KPNA6: variants seen among roughly 807,000 people sequenced by gnomAD.
KPNA6 encodes the protein karyopherin subunit alpha 6, also known as importin subunit alpha-7.
In KPNA6, 9 loss-of-function variants were observed where a neutral mutation model predicts 72.0. The observed-to-expected ratio is 0.13, with a 90% CI of 0.08 to 0.22. The LOEUF is 0.22. Among genes scored for constraint, KPNA6 ranks in the 10% least tolerant of loss-of-function variants. The pLI is 1.00. For missense variants in KPNA6, 374 were observed against 655.7 expected, an observed-to-expected ratio of 0.57 and a Z score of 4.69; for synonymous variants, 219 against 242.1, an observed-to-expected ratio of 0.90 and a Z score of 0.89.
rs1326668715 is a variant in KPNA6 at position 32,173,288 on chromosome 1, G to C, written c.*2394G>C. On this transcript the variant is annotated 3_prime_UTR_variant, in exon 14 of 14. Coordinates refer to ENST00000373625, the MANE Select transcript of KPNA6 (RefSeq NM_012316.5). Reference sequence around the variant, plus strand: ...CATCTCAAGTAAGAGTTAAGTCCCTGATACAGGGACCAGTTTCTTAGTGTA... The same window carrying C: ...CATCTCAAGTAAGAGTTAAGTCCCTCATACAGGGACCAGTTTCTTAGTGTA... 2 of 392,040 alleles carry C rather than the reference G, an allele frequency of 5.1e-6. No individual in the cohort carries two copies. Among genetic ancestry groups the C allele is most frequent in the East Asian group, 7.2e-5 (2 of 27,726 alleles). The allele number at this position is 392,040 out of a possible 1,614,324, so 24.3% of individuals were successfully genotyped here.
chr1:32,150,944 C>G (rs540577662), intron 1 of KPNA6, among the ~76,000 whole-genome samples: 40 of 151,828 alleles, frequency 2.6e-4, no homozygotes, highest in Admixed American at 4.6e-4. Context: ...TTTTTAGAGA[C>G]AGGGTCTCAC....
intron 1 of KPNA6, among the ~76,000 whole-genome samples, chr1:32,148,889 TG>T: frequency 6.8e-6 from 1 of 146,844 alleles, no homozygotes; most frequent in East Asian, 2.1e-4. Context: ...GATGAGATCT[TG>T]CCTATGTTGC....
rs1642445550 is a variant in KPNA6, at chr1:32,171,885, A to G, written c.*991A>G. 6.6e-6 allele frequency: 1 copy of G among 152,098 alleles called. No individual in the cohort carries two copies. Among genetic ancestry groups the G allele is most frequent in the African/African-American group, 2.4e-5 (1 of 41,412 alleles). The allele number at this position is 152,098 out of a possible 1,614,324, so 9.4% of individuals were successfully genotyped here. On this transcript the variant is annotated 3_prime_UTR_variant, in exon 14 of 14. Coordinates refer to ENST00000373625, the MANE Select transcript of KPNA6 (RefSeq NM_012316.5). ...GGTCCTTCCTTTCTCCTGAGGAGAAAGTCCTTGCTCTGGTGACCTGTAAGT... is the reference window on the plus strand; with the variant it reads ...GGTCCTTCCTTTCTCCTGAGGAGAAGGTCCTTGCTCTGGTGACCTGTAAGT...
intron 1 of KPNA6, among the ~76,000 whole-genome samples, chr1:32,150,127 C>CTTTTTTTTTTTTT (rs35179721): frequency 1.0e-4 from 9 of 87,058 alleles, no homozygotes; most frequent in Non-Finnish European, 2.0e-4. Flanking sequence ...AATTTTTAGT[C>CTTTTTTTTTTTTT]TTTTTTTTTT....
At chr1:32,123,202 TG>T (rs1641468152) in intron 1 of KPNA6, among the ~76,000 whole-genome samples, 1 of 152,152 alleles carries the variant, frequency 6.6e-6, no homozygotes, top group Non-Finnish European at 1.5e-5. Flanking sequence ...CCCATGTTTC[TG>T]GGTTGAAAAA....
At chr1:32,169,761 C>CA in intron 12 of KPNA6, 121 bp from the exon 13 acceptor site, 2 of 931,426 alleles carry the variant, frequency 2.1e-6, no homozygotes, top group Non-Finnish European at 3.1e-6. Context: ...CGCTCGGCCT[C>CA]ACAATTCTTA....
chr1:32,116,821 G>A (rs1348773027), intron 1 of KPNA6, among the ~76,000 whole-genome samples: 2 of 152,042 alleles, frequency 1.3e-5, no homozygotes, highest in Admixed American at 1.3e-4. Context: ...AACAAATAGA[G>A]GCCATTGTAG....
chr1:32,113,053 G>C lies in KPNA6; in HGVS notation c.4+4919G>C, dbSNP rs116328701. Among the ~76,000 whole-genome samples the C allele has an allele frequency of 9.7e-3, 1,479 of 152,064 alleles. 21 individuals carry two copies. The highest frequency in any genetic ancestry group is 0.033 in the African/African-American group (1,361 of 41,494). On this transcript the variant is annotated intron_variant, in intron 1 of 13. Transcript: ENST00000373625. ...CATAGACCTTTCAAAATTAGAGTCAGTACTCTCAAACCCTGCCACTGCTTT... is the reference window on the plus strand; with the variant it reads ...CATAGACCTTTCAAAATTAGAGTCACTACTCTCAAACCCTGCCACTGCTTT...
chr1:32,145,497 G>T (rs902239597), intron 1 of KPNA6, among the ~76,000 whole-genome samples: 2 of 150,860 alleles, frequency 1.3e-5, no homozygotes, highest in African/African-American at 2.4e-5. Context: ...GCTAATTTTT[G>T]TATTTTTAGT....
intron 1 of KPNA6, among the ~76,000 whole-genome samples, chr1:32,138,059 C>T (rs1448691591): frequency 4.0e-5 from 6 of 149,382 alleles, no homozygotes; most frequent in East Asian, 2.0e-4. Context: ...CGCATCAACC[C>T]GGGAGGCAGA....
At chr1:32,126,582 A>G (rs951840778) in intron 1 of KPNA6, among the ~76,000 whole-genome samples, 5 of 151,778 alleles carry the variant, frequency 3.3e-5, no homozygotes, top group African/African-American at 1.2e-4. Context: ...ACGAGGTTTC[A>G]CCATGTTGGC....
At chr1:32,144,304 A>C (rs1319193608) in intron 1 of KPNA6, among the ~76,000 whole-genome samples, 1 of 152,164 alleles carries the variant, frequency 6.6e-6, no homozygotes, top group African/African-American at 2.4e-5. Flanking sequence ...ATAGATGGTT[A>C]GCGCGATATT....
rs778221362 is a variant in KPNA6 at position 32,167,213 on chromosome 1, T to A, written c.1161T>A (p.Leu387=). ...ANIFPVLIEI[L]QKAEFRTRKE... ...TCTTCCCTGTGTTGATCGAAATCCT[T>A]CAGAAAGCAGAGTTTCGTACAAGGA... The change falls in exon 12 of 14, where the codon CTT becomes CTA. Residue 387 remains leucine, a synonymous_variant. Transcript: ENST00000373625. The A allele has an allele frequency of 6.2e-7, 1 of 1,613,936 alleles. No individual in the cohort carries two copies. The highest frequency in any genetic ancestry group is 8.5e-7 in the Non-Finnish European group (1 of 1,179,928).
At chr1:32,165,854 C>T (rs112262642) in intron 10 of KPNA6, among the ~76,000 whole-genome samples, 158 of 151,728 alleles carry the variant, frequency 1.0e-3, no homozygotes, top group African/African-American at 3.5e-3. Flanking sequence ...AAAAATTTTC[C>T]GGGCGTGGTG....
intron 1 of KPNA6, among the ~76,000 whole-genome samples, chr1:32,113,432 G>GTGTA (rs1040645623): frequency 5.3e-5 from 8 of 151,868 alleles, no homozygotes; most frequent in African/African-American, 9.7e-5. Context: ...TCATGTATGT[G>GTGTA]TGTATGTATG....
chr1:32,109,705 G>A (rs1010512124), intron 1 of KPNA6, among the ~76,000 whole-genome samples: 5 of 149,012 alleles, frequency 3.4e-5, no homozygotes, highest in African/African-American at 9.9e-5. Context: ...GTGCATTGGC[G>A]CGATCTCGGC....
chr1:32,112,252 T>TATA (rs1048257111), intron 1 of KPNA6, among the ~76,000 whole-genome samples: 18 of 152,116 alleles, frequency 1.2e-4, no homozygotes, highest in African/African-American at 3.6e-4. Flanking sequence ...ATGGGAAAGC[T>TATA]ATAATAATAA....
At position 32,166,038 on chromosome 1, in the gene KPNA6, A is replaced by AC. The variant is rs1173835677; in HGVS notation, c.991-67_991-66insC. The AC allele has an allele frequency of 1.2e-3, 1,780 of 1,523,816 alleles. 14 individuals carry two copies. In the Admixed American group the frequency reaches 0.013, roughly 11 times the overall value. 94.4% of individuals were successfully genotyped at this position (1,523,816 alleles called of 1,614,324 possible). A position where few individuals can be genotyped will look rare whatever the true frequency, so the allele number is the denominator to read the frequency against. On this transcript the variant is annotated intron_variant, in intron 10 of 13. Transcript: ENST00000373625. ...AACAACAACAACAACAACAACAACAAAAAAACATAAAAAAAATTAAAAACA... is the reference window on the plus strand; with the variant it reads ...AACAACAACAACAACAACAACAACAACAAAAACATAAAAAAAATTAAAAACA...
intron 1 of KPNA6, among the ~76,000 whole-genome samples, chr1:32,147,784 C>T (rs890520629): frequency 2.6e-5 from 4 of 151,276 alleles, no homozygotes; most frequent in Non-Finnish European, 4.4e-5. Context: ...CTCGTCCTCC[C>T]AAGTAGCTGG....
Sources: gnomAD v4.1 joint callset for allele counts (sites outside exome capture counted in the v4.1 genomes callset) on GRCh38, gnomAD v4.1.1 for gene constraint, MANE v1.5 for transcripts, NCBI Gene and HGNC (gene_info 2026-07-23, HGNC 2026-07-21) for gene names.